The following PPP2R3A variants were observed in gnomAD, a reference collection of about 807,000 sequenced individuals.
PPP2R3A encodes protein phosphatase 2 regulatory subunit B''alpha.
In PPP2R3A, 80 loss-of-function variants were observed where a neutral mutation model predicts 106.9. The ratio of observed to expected loss-of-function variants is 0.75; its 90% CI spans 0.62 to 0.90. The LOEUF is 0.90. PPP2R3A is among the 40% of genes least tolerant of loss of function. The pLI is 0.00. For synonymous variants in PPP2R3A, 483 were observed against 468.3 expected, an observed-to-expected ratio of 1.03 and a Z score of -0.41; for missense variants, 1,386 against 1,350.4, an observed-to-expected ratio of 1.03 and a Z score of -0.41.
At chr3:136,129,890 A>G (rs760922005) in intron 13 of PPP2R3A, among the ~76,000 whole-genome samples, 13 of 152,234 alleles carry the variant, frequency 8.5e-5, no homozygotes, top group Non-Finnish European at 1.8e-4. Flanking sequence ...AATCCATCAC[A>G]TAAACAGAAC....
intron 13 of PPP2R3A, among the ~76,000 whole-genome samples, chr3:136,140,899 C>T (rs769552849): frequency 2.6e-5 from 4 of 152,210 alleles, no homozygotes; most frequent in Non-Finnish European, 4.4e-5. Context: ...GAGCGAGACT[C>T]TGTCTCAAAA....
chr3:136,030,982 C>G (rs549714853), intron 3 of PPP2R3A, among the ~76,000 whole-genome samples: 1 of 152,002 alleles, frequency 6.6e-6, no homozygotes, highest in Non-Finnish European at 1.5e-5. Flanking sequence ...TGAGTAGATA[C>G]CCAGTAGTGG....
intron 13 of PPP2R3A, among the ~76,000 whole-genome samples, chr3:136,116,829 C>G (rs528821480): frequency 6.6e-6 from 1 of 151,992 alleles, no homozygotes; most frequent in East Asian, 1.9e-4. Flanking sequence ...ATTAGATCAA[C>G]AAGACCAAAA....
At chr3:136,128,145 T>C (rs1223729805) in intron 13 of PPP2R3A, among the ~76,000 whole-genome samples, 1 of 152,148 alleles carries the variant, frequency 6.6e-6, no homozygotes, top group Non-Finnish European at 1.5e-5. Context: ...AATGACAGGA[T>C]CAAATTCACA....
chr3:136,120,019 C>T (rs551944237), intron 13 of PPP2R3A, among the ~76,000 whole-genome samples: 18 of 151,658 alleles, frequency 1.2e-4, no homozygotes, highest in Non-Finnish European at 2.2e-4. Context: ...GAATACTATG[C>T]AGCCATAAAA....
chr3:136,111,978 G>A (rs1937598854), intron 13 of PPP2R3A, among the ~76,000 whole-genome samples: 1 of 152,124 alleles, frequency 6.6e-6, no homozygotes, highest in African/African-American at 2.4e-5. Flanking sequence ...GGGATACGAG[G>A]TTGGTTCAAC....
intron 2 of PPP2R3A, among the ~76,000 whole-genome samples, chr3:136,012,123 C>G (rs1004060492): frequency 2.0e-5 from 3 of 152,020 alleles, no homozygotes; most frequent in Non-Finnish European, 4.4e-5. Flanking sequence ...TCTTTTTTCT[C>G]CAACATATTT....
At chr3:136,030,591 A>G (rs1037652660) in intron 3 of PPP2R3A, among the ~76,000 whole-genome samples, 1 of 151,804 alleles carries the variant, frequency 6.6e-6, no homozygotes, top group Non-Finnish European at 1.5e-5. Flanking sequence ...CCATTGTGTC[A>G]TTCTTATGCC....
intron 5 of PPP2R3A, among the ~76,000 whole-genome samples, chr3:136,050,555 C>T (rs6775261): frequency 0.62 from 94,512 of 151,934 alleles, 30,462 homozygotes; most frequent in African/African-American, 0.77. Flanking sequence ...TTCTGTGCCA[C>T]GTGTCAAGCC....
At chr3:136,067,960 C>T (rs748985309) in intron 5 of PPP2R3A, among the ~76,000 whole-genome samples, 1 of 152,218 alleles carries the variant, frequency 6.6e-6, no homozygotes, top group Non-Finnish European at 1.5e-5. Flanking sequence ...TGGCCAGGCT[C>T]ATGCCTGTGA....
intron 6 of PPP2R3A, among the ~76,000 whole-genome samples, chr3:136,072,361 G>A (rs1250899384): frequency 2.0e-5 from 3 of 152,202 alleles, no homozygotes; most frequent in Non-Finnish European, 4.4e-5. Context: ...GGAGCCCGAG[G>A]CAGACAGATT....
rs112158523 is a variant in PPP2R3A, at chr3:136,034,287, G to A, written c.2263-6572G>A. ...CTTGACCTCATGAACCACCGACCTCGGCCTCCCAAAGTGCTGGGATGATGG... is the reference window on the plus strand; with the variant it reads ...CTTGACCTCATGAACCACCGACCTCAGCCTCCCAAAGTGCTGGGATGATGG... On this transcript the variant is annotated intron_variant, in intron 3 of 13. Transcript: ENST00000264977. Among the ~76,000 whole-genome samples, 230 of 152,122 alleles carry A rather than the reference G, an allele frequency of 1.5e-3. 1 individual carries two copies. The highest frequency in any genetic ancestry group is 5.2e-3 in the African/African-American group (215 of 41,514).
chr3:136,096,980 A>ACAC (rs1559918030), intron 10 of PPP2R3A, among the ~76,000 whole-genome samples: 1 of 150,894 alleles, frequency 6.6e-6, no homozygotes, highest in African/African-American at 2.5e-5. Flanking sequence ...CACACACACA[A>ACAC]AAAATGTAAT....
Position 136,002,291 on chromosome 3 carries a change from G to A in PPP2R3A, c.793G>A (p.Gly265Arg). 1.2e-6 allele frequency: 2 copies of A among 1,613,776 alleles called. No individual in the cohort carries two copies. Among genetic ancestry groups the A allele is most frequent in the Non-Finnish European group, 1.7e-6 (2 of 1,179,780 alleles). Residue 265 changes from glycine to arginine, a missense_variant, in exon 2 of 14, where the codon GGA becomes AGA. Gly to Arg is a moderately radical substitution (Grantham distance 125). Coordinates refer to ENST00000264977, the MANE Select transcript of PPP2R3A (RefSeq NM_002718.5). The part of the protein sequence containing the change: ...KKKSGSSISE[G>R]SGNDTISSSE... Reference sequence around the variant, plus strand: ...AAAATCAGGGAGTAGCATCAGTGAAGGAAGTGGTAATGATACAATTTCTAG... The same window carrying A: ...AAAATCAGGGAGTAGCATCAGTGAAAGAAGTGGTAATGATACAATTTCTAG...
intron 5 of PPP2R3A, among the ~76,000 whole-genome samples, chr3:136,057,979 T>C (rs371365737): frequency 1.3e-5 from 2 of 152,152 alleles, no homozygotes; most frequent in East Asian, 3.9e-4. Context: ...ATCAGTATGT[T>C]GAAGAAATAT....
chr3:136,006,132 T>A (rs1933836486), intron 2 of PPP2R3A, among the ~76,000 whole-genome samples: 2 of 152,338 alleles, frequency 1.3e-5, no homozygotes, highest in South Asian at 4.1e-4. Context: ...GCTTCCCACT[T>A]TTTTGACAAG....
intron 4 of PPP2R3A, among the ~76,000 whole-genome samples, chr3:136,041,613 A>T (rs1935290607): frequency 6.6e-6 from 1 of 151,784 alleles, no homozygotes; most frequent in African/African-American, 2.4e-5. Flanking sequence ...GCAAAAAGGA[A>T]CTCCCCTTTA....
intron 2 of PPP2R3A, among the ~76,000 whole-genome samples, chr3:136,017,652 C>T (rs1934323360): frequency 6.6e-6 from 1 of 152,142 alleles, no homozygotes; most frequent in South Asian, 2.1e-4. Context: ...TGATATGTAA[C>T]TTTTTTTCTG....
In PPP2R3A at chr3:136,145,284, C is replaced by A; in HGVS notation, c.*118C>A. On this transcript the variant is annotated 3_prime_UTR_variant, in exon 14 of 14. Transcript: ENST00000264977. ...TTTGATTTCTCCAAGTGTGTATCAT[C>A]TGCACTAGGAACTTTGTTTTTAAGC... is the stretch of plus-strand genomic sequence containing the variant. The A allele has an allele frequency of 1.5e-6, 2 of 1,292,112 alleles. No individual in the cohort carries two copies. The highest frequency in any genetic ancestry group is 5.5e-5 in the East Asian group (2 of 36,440). 80.0% of individuals were successfully genotyped at this position (1,292,112 alleles called of 1,614,324 possible).
Sources: gnomAD v4.1 joint callset for allele counts (sites outside exome capture counted in the v4.1 genomes callset) on GRCh38, gnomAD v4.1.1 for gene constraint, MANE v1.5 for transcripts, NCBI Gene and HGNC (gene_info 2026-07-23, HGNC 2026-07-21) for gene names.